HERC1: variants seen among roughly 807,000 people sequenced by gnomAD.
HERC1 encodes probable E3 ubiquitin-protein ligase HERC1.
HERC1 carries 160 observed loss-of-function variants against 554.3 expected under a neutral mutation model. That is an observed-to-expected ratio of 0.29 (90% CI 0.25 to 0.33). HERC1 has a LOEUF of 0.33. Ranked by LOEUF, HERC1 falls within the 10% of genes least tolerant of loss-of-function variation. The probability of loss-of-function intolerance (pLI) is 1.00; values close to 1 mark genes in which losing one functional copy is unlikely to be tolerated. For synonymous variants in HERC1, 2,175 were observed against 2,131.7 expected (o/e 1.02, Z -0.56); for missense variants, 4,919 against 5,918.5 (o/e 0.83, Z 5.54).
chr15:63,822,585 C>CA lies in HERC1; in HGVS notation c.-27+11241dup, dbSNP rs970508429. On this transcript the variant is annotated intron_variant, in intron 1 of 77. Coordinates refer to ENST00000443617, the MANE Select transcript of HERC1 (RefSeq NM_003922.4). The stretch of plus-strand genomic sequence containing the variant: ...TGGGCAACAGAGCAAGACTCTGTCT[C>CA]AAAAAAAAAAAAATTTTTAAATAAT... 9.9e-3 allele frequency among the ~76,000 whole-genome samples: 1,351 copies of CA among 135,936 alleles called. 27 individuals are homozygous for CA. Among genetic ancestry groups the CA allele is most frequent in the African/African-American group, 0.033 (1,201 of 36,538 alleles). 89.2% of individuals were successfully genotyped at this position (135,936 alleles called of 152,430 possible).
At chr15:63,616,722 T>C in intron 74 of HERC1, 40 bp from the exon 75 acceptor site, 1 of 1,584,592 alleles carries the variant, frequency 6.3e-7, no homozygotes, top group Non-Finnish European at 8.6e-7. Context: ...GCATTTTCCT[T>C]ATTTCTATTA....
intron 24 of HERC1, among the ~76,000 whole-genome samples, chr15:63,707,250 G>T (rs1050014549): frequency 8.5e-5 from 13 of 152,100 alleles, no homozygotes; most frequent in African/African-American, 3.1e-4. Context: ...ACTAGCCTTC[G>T]CTAGGTGTTT....
intron 11 of HERC1, 70 bp from the exon 12 acceptor site, chr15:63,747,153 T>C (rs1374270546): frequency 2.1e-6 from 3 of 1,417,732 alleles, no homozygotes; most frequent in African/African-American, 1.4e-5. Flanking sequence ...TTGGGTAACA[T>C]TTTTATATCT....
At chr15:63,709,600 T>C (rs556072952) in intron 24 of HERC1, among the ~76,000 whole-genome samples, 40 of 152,234 alleles carry the variant, frequency 2.6e-4, no homozygotes, top group Admixed American at 8.5e-4. Context: ...CCATGGTGAG[T>C]TTTAACCCTA....
At chr15:63,664,337 C>A in intron 43 of HERC1, 133 bp downstream of exon 43, 1 of 699,702 alleles carries the variant, frequency 1.4e-6, no homozygotes. Context: ...AAAATGATAT[C>A]CAAATAGCTG....
At chr15:63,740,792 C>A (rs1159588432) in intron 12 of HERC1, among the ~76,000 whole-genome samples, 1 of 152,074 alleles carries the variant, frequency 6.6e-6, no homozygotes, top group East Asian at 1.9e-4. Flanking sequence ...TATTGTTGAG[C>A]TGTAAGAATT....
chr15:63,672,856 T>C (rs377486779), intron 38 of HERC1, among the ~76,000 whole-genome samples, 162 bp from the exon 39 acceptor site: 4 of 152,372 alleles, frequency 2.6e-5, no homozygotes, highest in Admixed American at 1.3e-4. Flanking sequence ...TTCTTACTTA[T>C]ATACATCTTT....
In HERC1 at chr15:63,644,998, A is replaced by G. The variant is rs567448655; in HGVS notation, c.11178T>C (p.Asn3726=). 4.4e-6 allele frequency: 7 copies of G among 1,608,142 alleles called. No individual in the cohort carries two copies. In the Admixed American group the frequency reaches 5.0e-5, roughly 11 times the overall value. ...AAAAACACCAGAATGTTACCTGGCA[A>G]TTTGATTCCTGCTCCCACCATCCTT... ...SAEGWWEQES[N]CQDGYRKSSG... The change falls in exon 57 of 78, where the codon AAT becomes AAC. Residue 3726 remains asparagine (N), a synonymous_variant. Transcript: ENST00000443617.
At chr15:63,822,560 T>C (rs574891465) in intron 1 of HERC1, among the ~76,000 whole-genome samples, 121 of 151,672 alleles carry the variant, frequency 8.0e-4, no homozygotes, top group African/African-American at 2.8e-3. Flanking sequence ...CACTCCAGCC[T>C]GGGCAACAGA....
chr15:63,636,471 A>T (rs1884088654), intron 64 of HERC1, among the ~76,000 whole-genome samples: 1 of 152,018 alleles, frequency 6.6e-6, no homozygotes, highest in Non-Finnish European at 1.5e-5. Flanking sequence ...GGGTTTTACC[A>T]TGCTGGCCAG....
rs557165890 is a variant in HERC1, at chr15:63,638,290, C to CT, written c.12093+120dup. On this transcript the variant is annotated intron_variant, in intron 63 of 77. Transcript: ENST00000443617. ...TTTGAAAGCTATATATCATGACTTTCTTTAATGATTCCTCATAATAGATTA... is the reference window on the plus strand; with the variant it reads ...TTTGAAAGCTATATATCATGACTTTCTTTTAATGATTCCTCATAATAGATTA... 3.8e-4 allele frequency: 402 copies of CT among 1,054,102 alleles called. 1 individual carries two copies. The African/African-American group carries it at 5.6e-3, about 15-fold the overall frequency. 65.3% of individuals were successfully genotyped at this position (1,054,102 alleles called of 1,614,324 possible). A position where few individuals can be genotyped will look rare whatever the true frequency, so the allele number is the denominator to read the frequency against.
At chr15:63,815,487 C>A (rs1179319044) in intron 1 of HERC1, among the ~76,000 whole-genome samples, 2 of 152,168 alleles carry the variant, frequency 1.3e-5, no homozygotes, top group African/African-American at 2.4e-5. Context: ...GAAAACCGTG[C>A]CTGGATGTAG....
intron 24 of HERC1, 100 bp downstream of exon 24, chr15:63,712,675 A>G (rs1442562162): frequency 4.1e-5 from 43 of 1,052,928 alleles, no homozygotes; most frequent in Middle Eastern, 3.0e-4. Context: ...AAAAATTTTT[A>G]TATGTCTAAA....
intron 18 of HERC1, 49 bp from the exon 19 acceptor site, chr15:63,723,404 C>T (rs1267486557): frequency 7.7e-7 from 1 of 1,303,544 alleles, no homozygotes; most frequent in African/African-American, 1.5e-5. Flanking sequence ...AATTTTGGTG[C>T]TACAGATAAA....
Position 63,811,198 on chromosome 15 carries a change from A to C in HERC1, c.-27+22629T>G, listed in dbSNP as rs187032616. ...GTTGCATATTAGGTGACAATGAATT[A>C]ATGTTATTTTCCATCGGTGTGATAA... On this transcript the variant is annotated intron_variant, in intron 1 of 77. Coordinates refer to ENST00000443617, the MANE Select transcript of HERC1 (RefSeq NM_003922.4). Among the ~76,000 whole-genome samples the C allele has an allele frequency of 3.3e-5, 5 of 152,362 alleles. No individual in the cohort carries two copies. The East Asian group carries it at 9.6e-4, about 29-fold the overall frequency.
In HERC1 at chr15:63,678,325, T is replaced by C; in HGVS notation, c.6590A>G (p.Asp2197Gly). The C allele has an allele frequency of 1.2e-6, 2 of 1,611,224 alleles. No individual in the cohort carries two copies. The highest frequency in any genetic ancestry group is 1.7e-6 in the Non-Finnish European group (2 of 1,178,764). Residue 2197 changes from aspartate (D) to glycine (G), a missense_variant, in exon 37 of 78, where the codon GAC becomes GGC. Physicochemically the swap from Asp to Gly is moderately conservative, Grantham distance 94 (BLOSUM62 -1). Transcript: ENST00000443617. ...ACAAATAGGGTCTCCTGGAAGTAAG[T>C]CTCGGGGTGTGCCACGCATCTGCAT... ...CDMQMRGTPRDLLPGDPICSP... is the reference protein window; with the variant it reads ...CDMQMRGTPRGLLPGDPICSP...
At chr15:63,773,622 C>A (rs2076018356) in intron 2 of HERC1, among the ~76,000 whole-genome samples, 1 of 151,638 alleles carries the variant, frequency 6.6e-6, no homozygotes, top group South Asian at 2.1e-4. Flanking sequence ...CTGCTCACTG[C>A]AACCTCCGTC....
In HERC1 at chr15:63,718,482, C is replaced by A; in HGVS notation, c.3978+92G>T. On this transcript the variant is annotated intron_variant, in intron 21 of 77. Coordinates refer to ENST00000443617, the MANE Select transcript of HERC1 (RefSeq NM_003922.4). This position sits in a 1 kb window ranked among gnomAD's most constrained non-coding sequence, Gnocchi z 4.2. ...AACATGTATTGAACATATGCAATAA[C>A]CAAGGCACATTTTTTTCTCACATAA... The A allele has an allele frequency of 1.6e-6, 2 of 1,280,718 alleles. No homozygotes were observed. The highest frequency in any genetic ancestry group is 1.5e-5 in the African/African-American group (1 of 66,110). The allele number at this position is 1,280,718 out of a possible 1,614,324, so 79.3% of individuals were successfully genotyped here. A position where few individuals can be genotyped will look rare whatever the true frequency, so the allele number is the denominator to read the frequency against.
intron 1 of HERC1, chr15:63,779,975 C>CTGCA (rs1199722911): frequency 7.5e-6 from 1 of 133,366 alleles, no homozygotes; most frequent in African/African-American, 2.9e-5. Flanking sequence ...GATCACAAGA[C>CTGCA]TGCACTCCAG....
Sources: allele counts gnomAD v4.1 joint callset (sites outside exome capture counted in the v4.1 genomes callset), GRCh38; gene constraint gnomAD v4.1.1; non-coding constraint Gnocchi (gnomAD v3.1); transcripts MANE v1.5; gene names NCBI Gene and HGNC (gene_info 2026-07-23, HGNC 2026-07-21).